Variants in UBQLN1 observed in about 807,000 individuals in gnomAD.
The protein encoded by UBQLN1 is ubiquilin-1.
A neutral mutation model predicts 65.4 loss-of-function variants in UBQLN1; 13 were observed. That is an observed-to-expected ratio of 0.20 (90% confidence interval 0.13 to 0.32). The LOEUF (loss-of-function observed/expected upper bound fraction) is 0.32, where lower values mean the gene tolerates loss of function less well. UBQLN1 is among the 10% of genes least tolerant of loss of function. UBQLN1 has a pLI of 1.00. For synonymous variants in UBQLN1, 267 were observed against 247.8 expected, an observed-to-expected ratio of 1.08 and a Z score of -0.73; for missense variants, 561 against 724.0, an observed-to-expected ratio of 0.77 and a Z score of 2.58.
chr9:83,665,980 GGGT>G (rs1444915093), intron 8 of UBQLN1, among the ~76,000 whole-genome samples: 1 of 152,184 alleles, frequency 6.6e-6, no homozygotes, highest in Non-Finnish European at 1.5e-5. Flanking sequence ...AAATAGAATA[GGGT>G]AGCTCTTTCC....
At chr9:83,667,859 A>T (rs2780999) in intron 7 of UBQLN1, 620,577 of 970,360 alleles carry the variant, frequency 0.64, 200,816 homozygotes, top group East Asian at 0.88. Context: ...AACATTGTAA[A>T]AGTTTCTAAA....
chr9:83,686,153 A>G lies in UBQLN1; in HGVS notation c.183T>C (p.Phe61=). The change falls in exon 2 of 11, where the codon TTT becomes TTC. Residue 61 remains phenylalanine, a splice_region_variant and synonymous_variant. Coordinates refer to ENST00000376395, the MANE Select transcript of UBQLN1 (RefSeq NM_013438.5). The stretch of plus-strand genomic sequence containing the variant: ...TAAAACGTTTAGAGATTTCTTCCTT[A>G]AACTAAATAAAAATAAAATAAGTAT... The part of the protein sequence containing the change: ...AVPENSSVQQ[F]KEEISKRFKS... The G allele has an allele frequency of 6.5e-7, 1 of 1,545,762 alleles. No homozygotes were observed. The highest frequency in any genetic ancestry group is 8.7e-7 in the Non-Finnish European group (1 of 1,143,600).
chr9:83,677,565 A>AAAAAAC (rs1564164051), intron 6 of UBQLN1, among the ~76,000 whole-genome samples, 162 bp downstream of exon 6: 2 of 151,876 alleles, frequency 1.3e-5, no homozygotes, highest in African/African-American at 4.8e-5. Flanking sequence ...TCTATCTCAA[A>AAAAAAC]AAAACAAAAC....
intron 4 of UBQLN1, among the ~76,000 whole-genome samples, chr9:83,679,422 G>A (rs1192145066): frequency 2.6e-5 from 4 of 152,070 alleles, no homozygotes; most frequent in Admixed American, 6.5e-5. Context: ...CAACATATAA[G>A]GCAGGAGGTT....
chr9:83,687,168 G>A (rs1262861636), intron 1 of UBQLN1, among the ~76,000 whole-genome samples: 1 of 152,090 alleles, frequency 6.6e-6, no homozygotes, highest in Non-Finnish European at 1.5e-5. Context: ...GAAGCATAAA[G>A]GGAAGTCAGG....
chr9:83,683,409 C>T lies in UBQLN1; in HGVS notation c.333-343G>A, dbSNP rs1213549046. Among the ~76,000 whole-genome samples, 6 of 108,598 alleles carry T rather than the reference C, an allele frequency of 5.5e-5. No homozygotes were observed. In the East Asian group the frequency reaches 1.5e-3, roughly 28 times the overall value. 71.2% of individuals were successfully genotyped at this position (108,598 alleles called of 152,430 possible). On this transcript the variant is annotated intron_variant, in intron 2 of 10. Coordinates refer to ENST00000376395, the MANE Select transcript of UBQLN1 (RefSeq NM_013438.5). ...CAGCCTGGGCAACAGAGCGAGACTC[C>T]GTCTCAAAAAAAAAAAAAAAAAAAA...
At chr9:83,703,525 CA>C (rs138588326) in intron 1 of UBQLN1, among the ~76,000 whole-genome samples, 14 of 150,060 alleles carry the variant, frequency 9.3e-5, no homozygotes, top group Admixed American at 6.6e-4. Context: ...TTCCAAAATC[CA>C]AAAAAAAAGA....
intron 1 of UBQLN1, among the ~76,000 whole-genome samples, chr9:83,704,140 T>C (rs978115997): frequency 1.3e-5 from 2 of 152,256 alleles, no homozygotes; most frequent in Admixed American, 1.3e-4. Flanking sequence ...GTACAAATTT[T>C]AAAGACTAAA....
At chr9:83,704,301 G>A (rs539462745) in intron 1 of UBQLN1, among the ~76,000 whole-genome samples, 3 of 152,234 alleles carry the variant, frequency 2.0e-5, no homozygotes, top group Non-Finnish European at 4.4e-5. Flanking sequence ...GCTTCAAGTA[G>A]ATTTTACAAA....
At chr9:83,687,000 A>G (rs1214821855) in intron 1 of UBQLN1, among the ~76,000 whole-genome samples, 1 of 152,146 alleles carries the variant, frequency 6.6e-6, no homozygotes, top group East Asian at 1.9e-4. Context: ...GTTTTTGGAT[A>G]AAGTATACTT....
intron 1 of UBQLN1, among the ~76,000 whole-genome samples, chr9:83,688,542 A>G (rs1445993133): frequency 6.6e-6 from 1 of 152,042 alleles, no homozygotes; most frequent in Non-Finnish European, 1.5e-5. Flanking sequence ...ATTGTATTTT[A>G]GGATTTGAAG....
intron 7 of UBQLN1, chr9:83,668,085 T>G: frequency 1.0e-6 from 1 of 985,366 alleles, no homozygotes; most frequent in Non-Finnish European, 1.2e-6. Context: ...ATTGAAGCAT[T>G]TAATACTAAC....
chr9:83,666,547 G>C lies in UBQLN1; in HGVS notation c.1249-114C>G, dbSNP rs1048750243. The C allele has an allele frequency of 4.2e-5, 38 of 911,176 alleles. No homozygotes were observed. The African/African-American group carries it at 5.5e-4, about 13-fold the overall frequency. 56.4% of individuals were successfully genotyped at this position (911,176 alleles called of 1,614,324 possible). A position where few individuals can be genotyped will look rare whatever the true frequency, so the allele number is the denominator to read the frequency against. On this transcript the variant is annotated intron_variant, in intron 7 of 10. Coordinates refer to ENST00000376395, the MANE Select transcript of UBQLN1 (RefSeq NM_013438.5). ...CAGCTGGCACTTAAAAGGGAGGAAG[G>C]TAGAACATAAATAAAAAAAGGAAAA...
intron 1 of UBQLN1, among the ~76,000 whole-genome samples, chr9:83,704,602 G>A (rs922329775): frequency 3.3e-5 from 5 of 152,066 alleles, no homozygotes; most frequent in African/African-American, 4.8e-5. Flanking sequence ...CGAGGCAGGC[G>A]GATCACAAGA....
chr9:83,677,192 A>G (rs1432816426), intron 6 of UBQLN1, among the ~76,000 whole-genome samples: 1 of 152,204 alleles, frequency 6.6e-6, no homozygotes, highest in Admixed American at 6.5e-5. Context: ...CATGTGCTCT[A>G]GTAACAACTA....
chr9:83,670,148 T>C (rs199947452), intron 6 of UBQLN1, among the ~76,000 whole-genome samples: 1 of 152,106 alleles, frequency 6.6e-6, no homozygotes, highest in Non-Finnish European at 1.5e-5. Context: ...GTTAATTTGC[T>C]TGACTCACAC....
At chr9:83,676,635 A>G (rs1205670444) in intron 6 of UBQLN1, among the ~76,000 whole-genome samples, 3 of 152,214 alleles carry the variant, frequency 2.0e-5, no homozygotes, top group Non-Finnish European at 4.4e-5. Context: ...AAAAGAATAT[A>G]TATCAACTGT....
At chr9:83,703,428 T>C (rs1286910320) in intron 1 of UBQLN1, among the ~76,000 whole-genome samples, 3 of 152,290 alleles carry the variant, frequency 2.0e-5, no homozygotes, top group South Asian at 2.1e-4. Flanking sequence ...TTAGGCTCTG[T>C]GCATAAAATG....
chr9:83,669,387 C>T, intron 6 of UBQLN1, 60 bp from the exon 7 acceptor site: 2 of 1,466,318 alleles, frequency 1.4e-6, no homozygotes, highest in Non-Finnish European at 9.1e-7. Context: ...AAAGTTAAAG[C>T]TTTAAAATAT....
Sources: allele counts gnomAD v4.1 joint callset (sites outside exome capture counted in the v4.1 genomes callset), GRCh38; gene constraint gnomAD v4.1.1; transcripts MANE v1.5; gene names NCBI Gene and HGNC (gene_info 2026-07-23, HGNC 2026-07-21).